Variants in SYMPK observed in about 807,000 individuals in gnomAD.
SYMPK encodes the protein symplekin scaffold protein.
Under a neutral mutation model 136.4 loss-of-function variants are expected in SYMPK, and 49 were observed. The observed-to-expected ratio is 0.36, with a 90% CI of 0.29 to 0.46. SYMPK has a LOEUF of 0.46. Ranked by LOEUF, SYMPK falls within the 20% of genes least tolerant of loss-of-function variation. The pLI, the probability that SYMPK is intolerant of heterozygous loss-of-function variation, is 1.00. For missense variants in SYMPK, 1,365 were observed against 1,690.0 expected (o/e 0.81, Z 3.37); for synonymous variants, 766 against 713.0 (o/e 1.07, Z -1.19).
intron 1 of SYMPK, 71 bp from the exon 2 acceptor site, chr19:45,854,578 C>G: frequency 7.8e-7 from 1 of 1,288,554 alleles, no homozygotes; most frequent in African/African-American, 1.5e-5. Context: ...GGATTGTCAC[C>G]CGAACACCTA....
chr19:45,852,503 T>C lies in SYMPK; in HGVS notation c.204A>G (p.Thr68=), dbSNP rs763372331. The change falls in exon 4 of 27, where the codon ACA becomes ACG. Residue 68 remains threonine (T), a synonymous_variant. Transcript: ENST00000245934. Reference sequence around the variant, plus strand: ...TCACATCCAGGAAGTTGTCCAGTAGTGTGGGGTCTTTGTTGATGATCAGCT... The same window carrying C: ...TCACATCCAGGAAGTTGTCCAGTAGCGTGGGGTCTTTGTTGATGATCAGCT... ...VQELIINKDP[T]LLDNFLDEII... The C allele has an allele frequency of 1.3e-5, 21 of 1,614,048 alleles. No individual in the cohort carries two copies. Among genetic ancestry groups the C allele is most frequent in the Middle Eastern group, 1.6e-4 (1 of 6,062 alleles).
intron 5 of SYMPK, 43 bp from the exon 6 acceptor site, chr19:45,848,919 T>C: frequency 1.2e-6 from 2 of 1,612,488 alleles, no homozygotes; most frequent in Non-Finnish European, 1.7e-6. Context: ...GGTGTGGTCT[T>C]AGAGCAAGTA....
At chr19:45,847,415 C>T (rs1971588816) in intron 7 of SYMPK, among the ~76,000 whole-genome samples, 2 of 147,404 alleles carry the variant, frequency 1.4e-5, no homozygotes, top group African/African-American at 5.0e-5. Context: ...CAGAGGAAGA[C>T]TCCATCTCAA....
rs1439206778 is a variant in SYMPK, at chr19:45,822,872, G to A, written c.2701-26C>T. The A allele has an allele frequency of 3.2e-6, 5 of 1,572,448 alleles. No individual in the cohort carries two copies. In the Admixed American group the frequency reaches 6.7e-5, roughly 21 times the overall value. ...CTACAGGGAGAAGGTGGTGGGGGTG[G>A]GAGTTGAGTCACATACACCCTCATT... On this transcript the variant is annotated intron_variant, in intron 20 of 26. Transcript: ENST00000245934.
In SYMPK at chr19:45,829,203, G is replaced by C. The variant is rs1050063253; in HGVS notation, c.1752C>G (p.Val584=). The C allele has an allele frequency of 1.2e-6, 2 of 1,611,828 alleles. No homozygotes were observed. Among genetic ancestry groups the C allele is most frequent in the Non-Finnish European group, 1.7e-6 (2 of 1,178,186 alleles). ...KAVACSGAAQ[V]RIKILASLVT... ...CCAGGCTGGCCAGGATCTTTATGCG[G>C]ACCTGGTGGGAGGGTGAGCCAGCAT... Residue 584 remains valine (V), a splice_region_variant and synonymous_variant, in exon 14 of 27, where the codon GTC becomes GTG. Coordinates refer to ENST00000245934, the MANE Select transcript of SYMPK (RefSeq NM_004819.3).
rs1971172766 is a variant in SYMPK, at chr19:45,831,488, T to C, written c.1494A>G (p.Gln498=). 6 of 1,610,898 alleles carry C rather than the reference T, an allele frequency of 3.7e-6. No individual in the cohort carries two copies. Among genetic ancestry groups the C allele is most frequent in the Non-Finnish European group, 3.4e-6 (4 of 1,178,918 alleles). The part of the protein sequence containing the change: ...LIKRRLSAQG[Q]AISVVGSLSS... ...TCAGGGAACCCACCACCGAGATGGCTTGGCCCTGGGCTGACAGGCGCCGCT... is the reference window on the plus strand; with the variant it reads ...TCAGGGAACCCACCACCGAGATGGCCTGGCCCTGGGCTGACAGGCGCCGCT... The change falls in exon 12 of 27, where the codon CAA becomes CAG. Residue 498 remains glutamine, a synonymous_variant. Transcript: ENST00000245934.
Position 45,815,873 on chromosome 19 carries a change from C to A in SYMPK, c.3665G>T (p.Ser1222Ile), listed in dbSNP as rs1170886574. 2 of 1,612,304 alleles carry A rather than the reference C, an allele frequency of 1.2e-6. No individual in the cohort carries two copies. The highest frequency in any genetic ancestry group is 2.2e-5 in the South Asian group (2 of 90,988). ...GLTEAALLDS[S>I]LEGPLPKETA... ...TACCTTGGGTAGGGGGCCCTCGAGA[C>A]TAGAGTCCAACAGCGCGGCCTCGGT... The change falls in exon 26 of 27, where the codon AGT (serine) becomes ATT (isoleucine). Residue 1222 changes from serine to isoleucine, a missense_variant. Ser to Ile is a moderately radical substitution (Grantham distance 142). This residue lies in a region of SYMPK where 341 missense variants were observed against 270.5 expected (regional missense o/e 1.26). Transcript: ENST00000245934.
At chr19:45,854,317 T>G in intron 2 of SYMPK, 74 bp downstream of exon 2, 1 of 1,604,454 alleles carries the variant, frequency 6.2e-7, no homozygotes, top group South Asian at 1.1e-5. Context: ...CTCCCAGGGC[T>G]CTGCCACCTA....
chr19:45,831,277 TCA>T, intron 12 of SYMPK, 105 bp downstream of exon 12: 1 of 840,864 alleles, frequency 1.2e-6, no homozygotes, highest in Non-Finnish European at 1.7e-6. Flanking sequence ...TGTCTGCATC[TCA>T]GTTACACACA....
intron 21 of SYMPK, among the ~76,000 whole-genome samples, chr19:45,822,479 GA>G (rs1449655096): frequency 6.6e-6 from 1 of 152,208 alleles, no homozygotes; most frequent in African/African-American, 2.4e-5. Context: ...CCGGGCCTGA[GA>G]GGGGCTGGTG....
Position 45,815,681 on chromosome 19 carries a change from C to A in SYMPK, c.3704G>T (p.Gly1235Val). The change falls in exon 27 of 27, where the codon GGG becomes GTG. Residue 1235 changes from glycine to valine, a missense_variant. By Grantham distance (109) the Gly-to-Val change is moderately radical. Transcript: ENST00000245934. ...GPLPKETAAG[G>V]LTLKEERSPQ... ...GCTCCGCTCCTCCTTCAAGGTCAGC[C>A]CGCCCGCTGCCGTCTCCTGGTGACC... The A allele has an allele frequency of 6.2e-7, 1 of 1,609,882 alleles. No homozygotes were observed. Among genetic ancestry groups the A allele is most frequent in the East Asian group, 2.2e-5 (1 of 44,748 alleles).
intron 5 of SYMPK, among the ~76,000 whole-genome samples, chr19:45,849,241 G>C (rs1474707545): frequency 6.6e-6 from 1 of 152,186 alleles, no homozygotes; most frequent in Non-Finnish European, 1.5e-5. Context: ...AAAGTGCTTA[G>C]AAGAGTGCCT....
Position 45,821,597 on chromosome 19 carries a change from G to C in SYMPK, c.2792-112C>G. The stretch of plus-strand genomic sequence containing the variant: ...TGCGAGCAAAGATGAGGTGCCCTCT[G>C]CTTTCAGGGCTGGAACAGGGGAAGC... On this transcript the variant is annotated intron_variant, in intron 21 of 26. Transcript: ENST00000245934. This position sits in a 1 kb window ranked among gnomAD's most constrained non-coding sequence, Gnocchi z 4.4. The C allele has an allele frequency of 5.7e-6, 4 of 702,630 alleles. No individual in the cohort carries two copies. The Admixed American group carries it at 1.1e-4, about 19-fold the overall frequency. 43.5% of individuals were successfully genotyped at this position (702,630 alleles called of 1,614,324 possible). A position where few individuals can be genotyped will look rare whatever the true frequency, so the allele number is the denominator to read the frequency against.
chr19:45,832,526 G>A (rs1197479708), intron 11 of SYMPK, among the ~76,000 whole-genome samples: 1 of 152,186 alleles, frequency 6.6e-6, no homozygotes, highest in Non-Finnish European at 1.5e-5. Context: ...ATGACAGCAT[G>A]TGTACATGAA....
At position 45,815,540 on chromosome 19, in the gene SYMPK, CCT is replaced by C. The variant is rs1324337499; in HGVS notation, c.*18_*19del. On this transcript the variant is annotated 3_prime_UTR_variant, in exon 27 of 27. Coordinates refer to ENST00000245934, the MANE Select transcript of SYMPK (RefSeq NM_004819.3). ...CCAGCCCCGAGTCCCTGTCCCACCCCCTTTCCCCCTCGAGCCCCGTCAGCTGT... is the reference window on the plus strand; with the variant it reads ...CCAGCCCCGAGTCCCTGTCCCACCCCTTCCCCCTCGAGCCCCGTCAGCTGT... 1.3e-6 allele frequency: 2 copies of C among 1,527,054 alleles called. No homozygotes were observed. Among genetic ancestry groups the C allele is most frequent in the African/African-American group, 2.8e-5 (2 of 71,574 alleles). 94.6% of individuals were successfully genotyped at this position (1,527,054 alleles called of 1,614,324 possible).
Position 45,853,613 on chromosome 19 carries a change from C to CAA in SYMPK, c.171+560_171+561dup, listed in dbSNP as rs113932332. Among the ~76,000 whole-genome samples the CAA allele has an allele frequency of 6.8e-4, 84 of 124,376 alleles. 1 individual carries two copies. The highest frequency in any genetic ancestry group is 2.3e-3 in the African/African-American group (78 of 34,326). The allele number at this position is 124,376 out of a possible 152,430, so 81.6% of individuals were successfully genotyped here. On this transcript the variant is annotated intron_variant, in intron 3 of 26. Coordinates refer to ENST00000245934, the MANE Select transcript of SYMPK (RefSeq NM_004819.3). ...TGGGCAACAGAGCAAGACTCTGCCT[C>CAA]AAAAAAAAAAAAAAAAGAGATGCTC...
chr19:45,852,126 G>A (rs929501657), intron 5 of SYMPK, among the ~76,000 whole-genome samples, 186 bp downstream of exon 5: 2 of 152,188 alleles, frequency 1.3e-5, no homozygotes, highest in African/African-American at 4.8e-5. Context: ...AAGAAGCAGA[G>A]GAATCACAGA....
In SYMPK at chr19:45,815,927, A is replaced by G; in HGVS notation, c.3611T>C (p.Phe1204Ser). ...EGPECETPGI[F>S]ISMDDDSGLT... ...CCCCGAGTCGTCATCCATGCTGATG[A>G]AGATGCCCGGGGTCTCGCACTCAGG... is the stretch of plus-strand genomic sequence containing the variant. The change falls in exon 26 of 27, where the codon TTC becomes TCC. Residue 1204 changes from phenylalanine to serine, a missense_variant. Physicochemically the swap from Phe to Ser is radical, Grantham distance 155. This residue lies in a region of SYMPK where 341 missense variants were observed against 270.5 expected (regional missense o/e 1.26). Coordinates refer to ENST00000245934, the MANE Select transcript of SYMPK (RefSeq NM_004819.3). The G allele has an allele frequency of 6.2e-7, 1 of 1,612,150 alleles. No individual in the cohort carries two copies. The highest frequency in any genetic ancestry group is 8.5e-7 in the Non-Finnish European group (1 of 1,179,816).
intron 18 of SYMPK, 40 bp downstream of exon 18, chr19:45,825,131 C>T (rs372363689): frequency 2.5e-6 from 4 of 1,594,510 alleles, no homozygotes; most frequent in Non-Finnish European, 3.4e-6. Flanking sequence ...CACAGCCTTG[C>T]CCGTGGGTGG....
Sources: gnomAD v4.1 joint callset for allele counts (sites outside exome capture counted in the v4.1 genomes callset) on GRCh38, gnomAD v4.1.1 for gene constraint, gnomAD v4.1.1 regional missense constraint, Gnocchi (gnomAD v3.1) non-coding constraint, MANE v1.5 for transcripts, NCBI Gene and HGNC (gene_info 2026-07-23, HGNC 2026-07-21) for gene names.